MGAM: variants seen among roughly 807,000 people sequenced by gnomAD.
The protein encoded by MGAM is maltase-glucoamylase, also known as alpha-1,4-glucosidase.
A neutral mutation model predicts 358.8 loss-of-function variants in MGAM; 253 were observed. The observed-to-expected ratio is 0.71, with a 90% CI of 0.64 to 0.78. The LOEUF is 0.78. MGAM is among the 30% of genes least tolerant of loss of function. The pLI is 0.00. For missense variants in MGAM, 3,080 were observed against 3,432.6 expected (o/e 0.90, Z 2.57); for synonymous variants, 1,105 against 1,227.1 (o/e 0.90, Z 2.08).
At chr7:142,088,656 G>GTCTATCTA (rs35627220) in intron 57 of MGAM, among the ~76,000 whole-genome samples, 1,662 of 125,842 alleles carry the variant, frequency 0.013, 129 homozygotes, top group East Asian at 0.023. Flanking sequence ...CTATCTGTCT[G>GTCTATCTA]TCTATCTATC....
At chr7:142,063,021 A>C (rs1331079648) in intron 35 of MGAM, among the ~76,000 whole-genome samples, 1 of 152,274 alleles carries the variant, frequency 6.6e-6, no homozygotes, top group South Asian at 2.1e-4. Flanking sequence ...CAACATGGAG[A>C]AACTCCGTCT....
chr7:142,058,899 A>G (rs1316934918), intron 31 of MGAM, among the ~76,000 whole-genome samples: 1 of 152,166 alleles, frequency 6.6e-6, no homozygotes, highest in Non-Finnish European at 1.5e-5. Flanking sequence ...CACATATTTA[A>G]TTTTATCCCA....
At chr7:142,036,680 C>A in intron 17 of MGAM, 143 bp from the exon 18 acceptor site, 1 of 795,132 alleles carries the variant, frequency 1.3e-6, no homozygotes, top group Non-Finnish European at 2.0e-6. Flanking sequence ...ACACTTGGTA[C>A]TACTCAGAAG....
chr7:142,045,680 A>G (rs1294444391), intron 21 of MGAM, among the ~76,000 whole-genome samples: 1 of 106,750 alleles, frequency 9.4e-6, no homozygotes, highest in East Asian at 2.5e-4. Context: ...TATATAATAT[A>G]TATTATATAC....
chr7:142,022,105 T>A (rs1216711847), intron 6 of MGAM, among the ~76,000 whole-genome samples, 163 bp from the exon 7 acceptor site: 1 of 151,900 alleles, frequency 6.6e-6, no homozygotes, highest in Non-Finnish European at 1.5e-5. Context: ...CTTCAAGGAG[T>A]CCTTATCTCT....
intron 3 of MGAM, among the ~76,000 whole-genome samples, chr7:142,015,914 G>A (rs1257149639): frequency 2.6e-5 from 4 of 151,494 alleles, no homozygotes; most frequent in Non-Finnish European, 4.4e-5. Context: ...TTTAAAATGA[G>A]TTTTTTTTAA....
At chr7:142,088,747 GTCTATCTA>G (rs60202972) in intron 57 of MGAM, among the ~76,000 whole-genome samples, 19,754 of 92,934 alleles carry the variant, frequency 0.21, 3,166 homozygotes, top group Non-Finnish European at 0.26. Flanking sequence ...CTGTCTGTCT[GTCTATCTA>G]TCTATCTATC....
chr7:142,092,679 G>T, intron 59 of MGAM, 71 bp downstream of exon 59: 2 of 1,329,990 alleles, frequency 1.5e-6, no homozygotes, highest in South Asian at 2.5e-5. Flanking sequence ...GGAGCCCGAG[G>T]CCAGGGGTGG....
chr7:142,036,219 T>C lies in MGAM; in HGVS notation c.2010T>C (p.Cys670=), dbSNP rs1554465755. 6.2e-7 allele frequency: 1 copy of C among 1,612,576 alleles called. No individual in the cohort carries two copies. Among genetic ancestry groups the C allele is most frequent in the South Asian group, 1.1e-5 (1 of 90,660 alleles). Residue 670 remains cysteine (C), a synonymous_variant, in exon 17 of 71, where the codon TGT becomes TGC. Coordinates refer to ENST00000475668, the MANE Select transcript of MGAM (RefSeq NM_001365693.1). ...GFALDTPEEL[C]RRWMQLGAFY... ...CTTTGGACACCCCTGAGGAGCTCTG[T>C]AGGCGGTGGATGCAGTTGGGTGCAT...
intron 1 of MGAM, among the ~76,000 whole-genome samples, chr7:141,996,417 T>C (rs1397239934): frequency 6.6e-6 from 1 of 152,232 alleles, no homozygotes; most frequent in Non-Finnish European, 1.5e-5. Flanking sequence ...TTATCTTTTT[T>C]TCTTAGTGTG....
At chr7:142,092,104 C>G in intron 58 of MGAM, 57 bp downstream of exon 58, 2 of 1,523,304 alleles carry the variant, frequency 1.3e-6, no homozygotes, top group Non-Finnish European at 1.8e-6. Context: ...TGTGTGCCTA[C>G]GTGTATGTAC....
chr7:142,040,082 C>T, intron 19 of MGAM, 33 bp from the exon 20 acceptor site: 1 of 1,520,576 alleles, frequency 6.6e-7, no homozygotes, highest in Non-Finnish European at 9.1e-7. Flanking sequence ...CATTTTATTT[C>T]CCTCAGGGGA....
At chr7:142,060,988 T>C (rs1812135608) in intron 34 of MGAM, among the ~76,000 whole-genome samples, 1 of 152,114 alleles carries the variant, frequency 6.6e-6, no homozygotes, top group African/African-American at 2.4e-5. Context: ...TGGATCCAAG[T>C]AGTCCATGCT....
intron 43 of MGAM, among the ~76,000 whole-genome samples, chr7:142,070,017 C>T (rs1453974094): frequency 6.9e-6 from 1 of 144,716 alleles, no homozygotes; most frequent in South Asian, 2.2e-4. Context: ...CACGGTGAAA[C>T]CCCATCTCTA....
At chr7:142,064,603 T>A in intron 37 of MGAM, 81 bp downstream of exon 37, 1 of 1,489,094 alleles carries the variant, frequency 6.7e-7, no homozygotes, top group Non-Finnish European at 9.1e-7. Context: ...AGTTTTCCTT[T>A]CATTCCATTT....
intron 53 of MGAM, 23 bp downstream of exon 53, chr7:142,083,436 A>G (rs1209203465): frequency 1.3e-6 from 2 of 1,484,106 alleles, no homozygotes; most frequent in African/African-American, 1.3e-5. Flanking sequence ...CCAATTGTTT[A>G]TCAAGTACTT....
At chr7:142,020,572 T>G (rs574902268) in intron 4 of MGAM, among the ~76,000 whole-genome samples, 41 of 150,052 alleles carry the variant, frequency 2.7e-4, no homozygotes, top group Middle Eastern at 6.9e-3. Context: ...ATCAATCCCT[T>G]TGACATGTAT....
intron 21 of MGAM, among the ~76,000 whole-genome samples, chr7:142,045,613 T>TATTA (rs369745021): frequency 3.7e-3 from 284 of 76,006 alleles, no homozygotes; most frequent in African/African-American, 0.037. Flanking sequence ...ATAATATATA[T>TATTA]TATATACATA....
chr7:142,038,586 G>A lies in MGAM; in HGVS notation c.2287G>A (p.Gly763Ser), dbSNP rs376805556. Residue 763 changes from glycine (G) to serine (S), a missense_variant, in exon 19 of 71, where the codon GGC becomes AGC. By Grantham distance (56) the Gly-to-Ser change is moderately conservative (BLOSUM62 0). Around this residue, in one of 5 missense-constraint regions of MGAM, gnomAD observed 1,816 missense variants for 1,840.5 expected, o/e 0.99. Transcript: ENST00000475668. ...DVHQQFLWGP[G>S]LLITPVLDEG... is the part of the protein sequence containing the mutation. ...GCACCAACAGTTCTTATGGGGGCCC[G>A]GCCTCCTCATCACTCCAGTTCTGGA... 6.1e-5 allele frequency: 99 copies of A among 1,610,852 alleles called. No individual in the cohort carries two copies. The highest frequency in any genetic ancestry group is 7.6e-5 in the Non-Finnish European group (89 of 1,178,544).
Sources: allele counts gnomAD v4.1 joint callset (sites outside exome capture counted in the v4.1 genomes callset), GRCh38; gene constraint gnomAD v4.1.1; regional missense constraint gnomAD v4.1.1; transcripts MANE v1.5; gene names NCBI Gene and HGNC (gene_info 2026-07-23, HGNC 2026-07-21).